Variants in EIF3B observed in about 807,000 individuals in gnomAD.
The protein encoded by EIF3B is eukaryotic translation initiation factor 3 subunit B.
A neutral mutation model predicts 104.6 loss-of-function variants in EIF3B; 10 were observed. That is an observed-to-expected ratio of 0.10 (90% CI 0.06 to 0.16). The LOEUF is 0.16. Among genes scored for constraint, EIF3B ranks in the 10% least tolerant of loss-of-function variants. The pLI, the probability that EIF3B is intolerant of heterozygous loss-of-function variation, is 1.00. For missense variants in EIF3B, 1,014 were observed against 1,087.9 expected, an observed-to-expected ratio of 0.93 and a Z score of 0.96; for synonymous variants, 542 against 417.2, an observed-to-expected ratio of 1.30 and a Z score of -3.65.
intron 13 of EIF3B, 77 bp downstream of exon 13, chr7:2,374,683 C>T (rs886242602): frequency 6.6e-6 from 9 of 1,354,252 alleles, no homozygotes; most frequent in East Asian, 4.6e-5. Flanking sequence ...GGCGCCTGCA[C>T]CCGGCTTCTT....
chr7:2,355,812 GCTGAC>G (rs1394801240), intron 1 of EIF3B, among the ~76,000 whole-genome samples: 3 of 152,274 alleles, frequency 2.0e-5, no homozygotes, highest in African/African-American at 7.2e-5. Flanking sequence ...TGTCCCCAGA[GCTGAC>G]CAGTCAGACC....
At position 2,355,154 on chromosome 7, in the gene EIF3B, C is replaced by G; in HGVS notation, c.233C>G (p.Ser78Cys). Reference protein sequence around the residue: ...TEPAAEAEAASGPSESPSPPA... With the variant: ...TEPAAEAEAACGPSESPSPPA... ...CCGGCGGCCGAGGCAGAGGCGGCCTCCGGCCCGTCCGAGTCGCCCTCGCCG... is the reference window on the plus strand; with the variant it reads ...CCGGCGGCCGAGGCAGAGGCGGCCTGCGGCCCGTCCGAGTCGCCCTCGCCG... The change falls in exon 1 of 19, where the codon TCC (serine) becomes TGC (cysteine). Residue 78 changes from serine (S) to cysteine (C), a missense_variant. Coordinates refer to ENST00000360876, the MANE Select transcript of EIF3B (RefSeq NM_001037283.2). 1.4e-6 allele frequency: 2 copies of G among 1,444,542 alleles called. No individual in the cohort carries two copies. Among genetic ancestry groups the G allele is most frequent in the Non-Finnish European group, 1.8e-6 (2 of 1,108,924 alleles). 89.5% of individuals were successfully genotyped at this position (1,444,542 alleles called of 1,614,324 possible). A position where few individuals can be genotyped will look rare whatever the true frequency, so the allele number is the denominator to read the frequency against.
chr7:2,365,667 GTT>G lies in EIF3B; in HGVS notation c.1158-648_1158-647del, dbSNP rs138137672. 4.8e-4 allele frequency among the ~76,000 whole-genome samples: 52 copies of G among 107,858 alleles called. 1 individual carries two copies. The highest frequency in any genetic ancestry group is 6.6e-4 in the Non-Finnish European group (32 of 48,204). 70.8% of individuals were successfully genotyped at this position (107,858 alleles called of 152,430 possible). A position where few individuals can be genotyped will look rare whatever the true frequency, so the allele number is the denominator to read the frequency against. On this transcript the variant is annotated intron_variant, in intron 6 of 18. Coordinates refer to ENST00000360876, the MANE Select transcript of EIF3B (RefSeq NM_001037283.2). The stretch of plus-strand genomic sequence containing the variant: ...GACTTGTTTTTTTGTTTGTTTGTTT[GTT>G]TGTTTGTTTTGTTTTTTTTTTTTTT...
At chr7:2,367,825 A>ATTTTTTTTTTTTTTTTTTTTT (rs71026506) in intron 9 of EIF3B, among the ~76,000 whole-genome samples, 2 of 60,296 alleles carry the variant, frequency 3.3e-5, no homozygotes, top group African/African-American at 1.7e-4. Context: ...TTTTTTTAAA[A>ATTTTTTTTTTTTTTTTTTTTT]TTTTTTTTTT....
intron 14 of EIF3B, 161 bp from the exon 15 acceptor site, chr7:2,376,789 G>A: frequency 9.7e-7 from 1 of 1,035,132 alleles, no homozygotes; most frequent in East Asian, 2.7e-5. Flanking sequence ...GAGGTGTCTT[G>A]CATTGACTGC....
rs538147387 is a variant in EIF3B at position 2,362,429 on chromosome 7, A to G, written c.693-216A>G. On this transcript the variant is annotated intron_variant, in intron 2 of 18. Coordinates refer to ENST00000360876, the MANE Select transcript of EIF3B (RefSeq NM_001037283.2). ...TTTCTATAATTATGATAATGAAACT[A>G]GAGACTTCGGATCTTCTGGTTAGGA... 9.9e-4 allele frequency among the ~76,000 whole-genome samples: 151 copies of G among 152,358 alleles called. 1 individual carries two copies. The highest frequency in any genetic ancestry group is 3.5e-3 in the African/African-American group (145 of 41,578).
chr7:2,376,925 C>T, intron 14 of EIF3B, 25 bp from the exon 15 acceptor site: 2 of 1,608,680 alleles, frequency 1.2e-6, no homozygotes, highest in Non-Finnish European at 1.7e-6. Context: ...CCTCTGTGTC[C>T]TGGTGTGTCC....
At chr7:2,359,545 G>T (rs1398078449) in intron 1 of EIF3B, among the ~76,000 whole-genome samples, 4 of 152,292 alleles carry the variant, frequency 2.6e-5, no homozygotes, top group Admixed American at 6.5e-5. Context: ...CTGCCTTTTC[G>T]TCTATATCCT....
Position 2,355,140 on chromosome 7 carries a change from G to A in EIF3B, c.219G>A (p.Glu73=). 1 of 1,420,038 alleles carries A rather than the reference G, an allele frequency of 7.0e-7. No individual in the cohort carries two copies. Among genetic ancestry groups the A allele is most frequent in the Non-Finnish European group, 9.1e-7 (1 of 1,096,442 alleles). The allele number at this position is 1,420,038 out of a possible 1,614,324, so 88.0% of individuals were successfully genotyped here. Residue 73 remains glutamate, a synonymous_variant, in exon 1 of 19, where the codon GAG becomes GAA. Transcript: ENST00000360876. The part of the protein sequence containing the change: ...ESEVRTEPAA[E]AEAASGPSES... The stretch of plus-strand genomic sequence containing the variant: ...AGGTGAGGACCGAGCCGGCGGCCGA[G>A]GCAGAGGCGGCCTCCGGCCCGTCCG...
At chr7:2,375,209 C>T (rs1583178630) in intron 13 of EIF3B, 180 bp from the exon 14 acceptor site, 1 of 658,060 alleles carries the variant, frequency 1.5e-6, no homozygotes, top group East Asian at 2.6e-5. Context: ...ACTCACTGCA[C>T]ACTCTGCATC....
chr7:2,378,674 G>T lies in EIF3B; in HGVS notation c.2155-15G>T. On this transcript the variant is annotated splice_polypyrimidine_tract_variant and intron_variant, in intron 15 of 18. Transcript: ENST00000360876. Reference sequence around the variant, plus strand: ...TTTGAATGTTAAATCCTGAGTGATGGGTCTTTTGTTTCAGCAAATTAAAAA... The same window carrying T: ...TTTGAATGTTAAATCCTGAGTGATGTGTCTTTTGTTTCAGCAAATTAAAAA... 6.2e-7 allele frequency: 1 copy of T among 1,609,628 alleles called. No individual in the cohort carries two copies. Among genetic ancestry groups the T allele is most frequent in the Non-Finnish European group, 8.5e-7 (1 of 1,176,022 alleles).
intron 8 of EIF3B, 84 bp from the exon 9 acceptor site, chr7:2,366,915 T>A: frequency 7.0e-7 from 1 of 1,427,208 alleles, no homozygotes; most frequent in Non-Finnish European, 9.8e-7. Context: ...ATCAGACTCT[T>A]GTTTCCTTTT....
intron 15 of EIF3B, 23 bp downstream of exon 15, chr7:2,377,098 G>A (rs1304760670): frequency 1.9e-6 from 3 of 1,592,826 alleles, no homozygotes; most frequent in Admixed American, 1.7e-5. Context: ...CCACCCCCGG[G>A]TGCAGGGCAC....
At chr7:2,379,308 C>G in intron 17 of EIF3B, 66 bp downstream of exon 17, 1 of 1,550,170 alleles carries the variant, frequency 6.5e-7, no homozygotes. Flanking sequence ...CTGGTGCCCG[C>G]GGACTCCTGC....
At chr7:2,375,304 A>G in intron 13 of EIF3B, 85 bp from the exon 14 acceptor site, 1 of 1,574,160 alleles carries the variant, frequency 6.4e-7, no homozygotes, top group Non-Finnish European at 8.7e-7. Context: ...CTCCCTGGGG[A>G]CCCCATGCCG....
At chr7:2,355,537 C>G in intron 1 of EIF3B, 117 bp downstream of exon 1, 2 of 1,338,164 alleles carry the variant, frequency 1.5e-6, no homozygotes, top group Non-Finnish European at 1.9e-6. Context: ...GCGAGGGTGT[C>G]CGTGTGTTCC....
chr7:2,355,441 G>T, intron 1 of EIF3B, 21 bp downstream of exon 1: 1 of 1,424,570 alleles, frequency 7.0e-7, no homozygotes, highest in South Asian at 1.4e-5. Context: ...CCGGGGCGGG[G>T]CTGGCGAGCG....
intron 18 of EIF3B, chr7:2,379,768 G>A: frequency 2.1e-6 from 1 of 469,014 alleles, no homozygotes; most frequent in Non-Finnish European, 3.9e-6. Flanking sequence ...CCAGGTGTTG[G>A]GAAGTGCCAG....
rs182108352 is a variant in EIF3B, at chr7:2,372,611, T to A, written c.1688-62T>A. The A allele has an allele frequency of 1.9e-4, 303 of 1,565,868 alleles. 1 individual carries two copies. Among genetic ancestry groups the A allele is most frequent in the Admixed American group, 3.4e-4 (18 of 53,112 alleles). ...GTGGTTGAATAGTGAACATTTTAAC[T>A]GATCAAGAGCACTATGTTCTGAATT... On this transcript the variant is annotated intron_variant, in intron 11 of 18. Coordinates refer to ENST00000360876, the MANE Select transcript of EIF3B (RefSeq NM_001037283.2).
Sources: allele counts gnomAD v4.1 joint callset (sites outside exome capture counted in the v4.1 genomes callset), GRCh38; gene constraint gnomAD v4.1.1; transcripts MANE v1.5; gene names NCBI Gene and HGNC (gene_info 2026-07-23, HGNC 2026-07-21).